Variants in PCDHGA3 observed in about 807,000 individuals in gnomAD.
PCDHGA3 encodes the protein protocadherin gamma-A3.
In PCDHGA3, 40 loss-of-function variants were observed where a neutral mutation model predicts 58.5. The observed-to-expected ratio is 0.68, with a 90% CI of 0.53 to 0.89. The LOEUF is 0.89. Ranked by LOEUF, PCDHGA3 falls within the 40% of genes least tolerant of loss-of-function variation. The pLI, the probability that PCDHGA3 is intolerant of heterozygous loss-of-function variation, is 0.00. For synonymous variants in PCDHGA3, 530 were observed against 525.7 expected, an observed-to-expected ratio of 1.01 and a Z score of -0.11; for missense variants, 1,223 against 1,195.9, an observed-to-expected ratio of 1.02 and a Z score of -0.33.
chr5:141,405,103 G>A (rs368202826), intron 1 of PCDHGA3: 2 of 1,613,922 alleles, frequency 1.2e-6, no homozygotes, highest in Non-Finnish European at 1.7e-6. Flanking sequence ...TCAGGCTGAG[G>A]CACTGGCACT....
At chr5:141,366,806 T>G in intron 1 of PCDHGA3, 2 of 1,560,888 alleles carry the variant, frequency 1.3e-6, no homozygotes, top group Non-Finnish European at 1.7e-6. Context: ...GTTTCCTTTT[T>G]CATGTTTCTG....
rs201394036 is a variant in PCDHGA3 at position 141,385,181 on chromosome 5, C to A, written c.2424+38724C>A. On this transcript the variant is annotated intron_variant, in intron 1 of 3. Coordinates refer to ENST00000253812, the MANE Select transcript of PCDHGA3 (RefSeq NM_018916.4). ...TATTCCCATGAGGTCTCCCTCACCGCGGACTCTCGGAAGAGTCACCTGATC... is the reference window on the plus strand; with the variant it reads ...TATTCCCATGAGGTCTCCCTCACCGAGGACTCTCGGAAGAGTCACCTGATC... 2.3e-4 allele frequency: 371 copies of A among 1,614,202 alleles called. 1 individual carries two copies. The highest frequency in any genetic ancestry group is 2.9e-4 in the Non-Finnish European group (346 of 1,180,040).
rs61612330 is a variant in PCDHGA3, at chr5:141,454,796, A to ATTTTTTTTTTTTTTTTTTTTTTTTTT, written c.2425-40007_2425-39982dup. Among the ~76,000 whole-genome samples, 3 of 77,456 alleles carry ATTTTTTTTTTTTTTTTTTTTTTTTTT rather than the reference A, an allele frequency of 3.9e-5. 1 individual carries two copies. The highest frequency in any genetic ancestry group is 1.2e-4 in the African/African-American group (2 of 16,882). 50.8% of individuals were successfully genotyped at this position (77,456 alleles called of 152,430 possible). A position where few individuals can be genotyped will look rare whatever the true frequency, so the allele number is the denominator to read the frequency against. On this transcript the variant is annotated intron_variant, in intron 1 of 3. Transcript: ENST00000253812. Reference sequence around the variant, plus strand: ...AAGGAAATAATCCTCCATGGTTCTAATTTTTTTTTTTTTTTTTTTTTTTTT... The same window carrying ATTTTTTTTTTTTTTTTTTTTTTTTTT: ...AAGGAAATAATCCTCCATGGTTCTAATTTTTTTTTTTTTTTTTTTTTTTTTTTTTTTTTTTTTTTTTTTTTTTTTTT...
intron 1 of PCDHGA3, among the ~76,000 whole-genome samples, chr5:141,353,530 G>T (rs1428262887): frequency 6.6e-6 from 1 of 151,992 alleles, no homozygotes; most frequent in East Asian, 1.9e-4. Context: ...TTTTATATTT[G>T]CATCACTAAC....
At chr5:141,415,055 C>G in intron 1 of PCDHGA3, 2 of 1,613,402 alleles carry the variant, frequency 1.2e-6, no homozygotes, top group East Asian at 2.2e-5. Flanking sequence ...GGGGAGCACA[C>G]GGGCGAGGTG....
At chr5:141,360,893 A>G in intron 1 of PCDHGA3, 1 of 1,614,046 alleles carries the variant, frequency 6.2e-7, no homozygotes, top group Non-Finnish European at 8.5e-7. Flanking sequence ...ACCCTGAGGG[A>G]GGACGTGCCG....
chr5:141,426,465 T>C, intron 1 of PCDHGA3: 1 of 315,366 alleles, frequency 3.2e-6, no homozygotes, highest in African/African-American at 2.2e-5. Context: ...ATGTTCAGGA[T>C]TTATTGACCT....
At chr5:141,495,209 C>T (rs548415564) in intron 2 of PCDHGA3, among the ~76,000 whole-genome samples, 1 of 152,342 alleles carries the variant, frequency 6.6e-6, no homozygotes, top group Admixed American at 6.5e-5. Flanking sequence ...GCCTAACCCC[C>T]TCCCCTGAGT....
At chr5:141,439,473 G>T (rs1414737627) in intron 1 of PCDHGA3, among the ~76,000 whole-genome samples, 2 of 152,202 alleles carry the variant, frequency 1.3e-5, no homozygotes, top group South Asian at 2.1e-4. Context: ...CTGCCTTTCA[G>T]CTTGCAAATT....
At chr5:141,376,517 T>C (rs547172009) in intron 1 of PCDHGA3, 1 of 1,613,950 alleles carries the variant, frequency 6.2e-7, no homozygotes, top group East Asian at 2.2e-5. Flanking sequence ...GGTGAGTTTC[T>C]TTCCGCCTAA....
chr5:141,418,807 G>A (rs1400599346), intron 1 of PCDHGA3: 2 of 1,613,650 alleles, frequency 1.2e-6, no homozygotes, highest in African/African-American at 1.3e-5. Context: ...AAAGATATAC[G>A]ATAAACATAG....
At chr5:141,366,937 T>G in intron 1 of PCDHGA3, 1 of 860,432 alleles carries the variant, frequency 1.2e-6, no homozygotes, top group Non-Finnish European at 1.7e-6. Context: ...TTGGGAAGTC[T>G]AGCTGATATC....
At chr5:141,366,150 G>A in intron 1 of PCDHGA3, 2 of 1,614,136 alleles carry the variant, frequency 1.2e-6, no homozygotes, top group Non-Finnish European at 1.7e-6. Flanking sequence ...CTGTCCTACC[G>A]CCTGCTTAAG....
At chr5:141,505,127 A>C (rs926566427) in intron 2 of PCDHGA3, among the ~76,000 whole-genome samples, 1 of 152,158 alleles carries the variant, frequency 6.6e-6, no homozygotes, top group Non-Finnish European at 1.5e-5. Context: ...GCGCCACTGC[A>C]CTCCAGCCTG....
At chr5:141,372,522 G>T in intron 1 of PCDHGA3, 1 of 1,613,986 alleles carries the variant, frequency 6.2e-7, no homozygotes, top group Non-Finnish European at 8.5e-7. Context: ...GGTGATTCTG[G>T]CAATCTCCCT....
intron 1 of PCDHGA3, chr5:141,415,752 T>C: frequency 7.3e-7 from 1 of 1,372,622 alleles, no homozygotes; most frequent in Non-Finnish European, 9.4e-7. Flanking sequence ...TTTTTTTTTT[T>C]TTTTTTTTTT....
chr5:141,373,528 A>C lies in PCDHGA3; in HGVS notation c.2424+27071A>C, dbSNP rs186719526. Among the ~76,000 whole-genome samples, 616 of 152,300 alleles carry C rather than the reference A, an allele frequency of 4.0e-3. 6 individuals are homozygous for C. The highest frequency in any genetic ancestry group is 0.011 in the Admixed American group (171 of 15,302). On this transcript the variant is annotated intron_variant, in intron 1 of 3. Transcript: ENST00000253812. ...ACAGAGCGAGACTTTGTCTCCAAAA[A>C]AGTGTTTGTGGTTGTTGGTACCCTT...
intron 1 of PCDHGA3, among the ~76,000 whole-genome samples, chr5:141,445,447 A>C (rs974383838): frequency 6.6e-6 from 1 of 152,222 alleles, no homozygotes; most frequent in Non-Finnish European, 1.5e-5. Flanking sequence ...TGGACTAAGG[A>C]TGCAGCAATG....
At chr5:141,355,668 A>G in intron 1 of PCDHGA3, 3 of 1,614,018 alleles carry the variant, frequency 1.9e-6, no homozygotes, top group Non-Finnish European at 2.5e-6. Context: ...CTCTTCCTGA[A>G]GCTTTTGATC....
Sources: allele counts gnomAD v4.1 joint callset (sites outside exome capture counted in the v4.1 genomes callset), GRCh38; gene constraint gnomAD v4.1.1; transcripts MANE v1.5; gene names NCBI Gene and HGNC (gene_info 2026-07-23, HGNC 2026-07-21).